The following ANKS1B variants were observed in gnomAD, a reference collection of about 807,000 sequenced individuals.
ANKS1B encodes the protein ankyrin repeat and sterile alpha motif domain containing 1B.
A neutral mutation model predicts 148.3 loss-of-function variants in ANKS1B; 36 were observed. The ratio of observed to expected loss-of-function variants is 0.24; its 90% confidence interval spans 0.19 to 0.32. ANKS1B has a LOEUF of 0.32. ANKS1B is among the 10% of genes least tolerant of loss of function. ANKS1B has a pLI of 1.00. For missense variants in ANKS1B, 1,157 were observed against 1,542.6 expected (o/e 0.75, Z 4.19); for synonymous variants, 542 against 560.8 (o/e 0.97, Z 0.47).
intron 9 of ANKS1B, chr12:99,648,289 A>G (rs371174339): frequency 6.2e-7 from 1 of 1,614,210 alleles, no homozygotes; most frequent in Non-Finnish European, 8.5e-7. Context: ...CGAGTATACT[A>G]TATTCAGGTA....
intron 14 of ANKS1B, among the ~76,000 whole-genome samples, chr12:99,233,061 AAATT>A (rs2087151825): frequency 6.6e-6 from 1 of 152,006 alleles, no homozygotes; most frequent in Non-Finnish European, 1.5e-5. Flanking sequence ...TTTGTGCACA[AAATT>A]ATTAAAAATA....
chr12:99,164,827 C>G (rs1302827426), intron 14 of ANKS1B, among the ~76,000 whole-genome samples: 1 of 151,940 alleles, frequency 6.6e-6, no homozygotes, highest in Non-Finnish European at 1.5e-5. Flanking sequence ...TATATTCCTC[C>G]TATTTAAAGA....
chr12:99,124,945 G>A (rs901563356), intron 15 of ANKS1B, among the ~76,000 whole-genome samples: 2 of 141,884 alleles, frequency 1.4e-5, no homozygotes, highest in African/African-American at 2.5e-5. Flanking sequence ...TTTTAGTAGG[G>A]TGGAAAAGAG....
chr12:99,541,114 G>A (rs896468430), intron 9 of ANKS1B, among the ~76,000 whole-genome samples: 11 of 152,094 alleles, frequency 7.2e-5, no homozygotes, highest in Non-Finnish European at 1.5e-4. Flanking sequence ...GTAAGAGATT[G>A]AATTTGTAAT....
At chr12:99,609,218 C>G (rs1567467275) in intron 9 of ANKS1B, among the ~76,000 whole-genome samples, 1 of 151,972 alleles carries the variant, frequency 6.6e-6, no homozygotes, top group Non-Finnish European at 1.5e-5. Flanking sequence ...GACTTTTCAC[C>G]ATACAGCCTT....
At chr12:99,076,263 T>C (rs2047842906) in intron 16 of ANKS1B, among the ~76,000 whole-genome samples, 1 of 152,070 alleles carries the variant, frequency 6.6e-6, no homozygotes, top group Admixed American at 6.6e-5. Flanking sequence ...ATGAAGGTGA[T>C]AGCAGAAGCT....
intron 17 of ANKS1B, among the ~76,000 whole-genome samples, chr12:99,016,558 A>T (rs775114564): frequency 2.6e-5 from 4 of 152,190 alleles, no homozygotes; most frequent in Non-Finnish European, 5.9e-5. Flanking sequence ...TGGGAGGCTG[A>T]GGTAGGAGAC....
chr12:99,922,238 T>C (rs1334738742), intron 1 of ANKS1B, among the ~76,000 whole-genome samples: 1 of 152,166 alleles, frequency 6.6e-6, no homozygotes, highest in East Asian at 1.9e-4. Context: ...AATTGGTACA[T>C]CTAATCTCAC....
At chr12:98,983,273 T>TA (rs2099916968) in intron 17 of ANKS1B, among the ~76,000 whole-genome samples, 1 of 152,164 alleles carries the variant, frequency 6.6e-6, no homozygotes, top group South Asian at 2.1e-4. Context: ...TATTGGCAGT[T>TA]ACAGACTGAA....
At chr12:99,188,044 C>T (rs2080111136) in intron 14 of ANKS1B, among the ~76,000 whole-genome samples, 1 of 151,922 alleles carries the variant, frequency 6.6e-6, no homozygotes. Flanking sequence ...GGGTTGCAAT[C>T]CTAGTCTCTG....
intron 11 of ANKS1B, among the ~76,000 whole-genome samples, chr12:99,414,279 T>C (rs2048489): frequency 0.27 from 40,429 of 151,984 alleles, 5,572 homozygotes; most frequent in East Asian, 0.43. Flanking sequence ...TTGAAAACCA[T>C]TTCTCTAGGC....
At chr12:99,012,789 C>T (rs1286282397) in intron 17 of ANKS1B, among the ~76,000 whole-genome samples, 2 of 152,046 alleles carry the variant, frequency 1.3e-5, no homozygotes, top group South Asian at 4.1e-4. Flanking sequence ...TCAGAAGATA[C>T]CTCTTGCACA....
intron 10 of ANKS1B, among the ~76,000 whole-genome samples, chr12:99,454,775 C>G (rs895159325): frequency 3.9e-5 from 6 of 152,170 alleles, no homozygotes; most frequent in African/African-American, 1.4e-4. Flanking sequence ...ATTTTACCTT[C>G]CTCCTCCCAG....
chr12:99,466,604 G>C (rs998682607), intron 10 of ANKS1B, among the ~76,000 whole-genome samples: 4 of 149,874 alleles, frequency 2.7e-5, no homozygotes, highest in South Asian at 2.1e-4. Flanking sequence ...TGATAAAGGG[G>C]ATATCACCAC....
At chr12:98,857,148 C>A (rs2099576060) in intron 17 of ANKS1B, among the ~76,000 whole-genome samples, 2 of 152,094 alleles carry the variant, frequency 1.3e-5, no homozygotes, top group South Asian at 4.2e-4. Context: ...GGACAACATG[C>A]CATGGAGCAC....
Position 98,807,913 on chromosome 12 carries a change from C to T in ANKS1B, c.3072G>A (p.Ser1024=), listed in dbSNP as rs754269392. Residue 1024 remains serine (S), a synonymous_variant, in exon 20 of 27, where the codon TCG becomes TCA. Transcript: ENST00000683438. ...GATTCGTCCATATTTCACAGACAGA[C>T]GACTGCTGATATAAACAGAAAACTA... ...SKLERQMAQQ[S]SVCEIWTNQN... is the part of the protein sequence containing the mutation. 2.8e-5 allele frequency: 45 copies of T among 1,612,336 alleles called. No homozygotes were observed. Among genetic ancestry groups the T allele is most frequent in the Middle Eastern group, 1.6e-4 (1 of 6,074 alleles).
At chr12:99,180,591 TG>T (rs1168948754) in intron 14 of ANKS1B, among the ~76,000 whole-genome samples, 1 of 151,726 alleles carries the variant, frequency 6.6e-6, no homozygotes, top group South Asian at 2.1e-4. Context: ...TTGGGGCTAA[TG>T]CCTGAAATTG....
intron 11 of ANKS1B, among the ~76,000 whole-genome samples, chr12:99,440,630 T>C (rs2095534827): frequency 1.3e-5 from 2 of 151,926 alleles, no homozygotes; most frequent in South Asian, 4.1e-4. Flanking sequence ...AACTAACAGC[T>C]GTGACTTAGT....
At chr12:99,850,281 G>GTCTCTCCCTCTCCCTCTCCCTCTC (rs57015094) in intron 1 of ANKS1B, among the ~76,000 whole-genome samples, 5 of 114,206 alleles carry the variant, frequency 4.4e-5, no homozygotes, top group African/African-American at 1.8e-4. Context: ...AAGCAAGAAA[G>GTCTCTCCCTCTCCCTCTCCCTCTC]TCTCTCTCTC....
Sources: gnomAD v4.1 joint callset for allele counts (sites outside exome capture counted in the v4.1 genomes callset) on GRCh38, gnomAD v4.1.1 for gene constraint, MANE v1.5 for transcripts, NCBI Gene and HGNC (gene_info 2026-07-23, HGNC 2026-07-21) for gene names.